The following ATP8A1 variants were observed in gnomAD, a reference collection of about 807,000 sequenced individuals.
ATP8A1 encodes phospholipid-transporting ATPase IA.
In ATP8A1, 90 loss-of-function variants were observed where a neutral mutation model predicts 177.7. That is an observed-to-expected ratio of 0.51 (90% confidence interval 0.43 to 0.60). The LOEUF is 0.60. Among genes scored for constraint, ATP8A1 ranks in the 20% least tolerant of loss-of-function variants. ATP8A1 has a pLI of 0.00. For missense variants in ATP8A1, 1,072 were observed against 1,392.8 expected (o/e 0.77, Z 3.67); for synonymous variants, 493 against 485.9 (o/e 1.01, Z -0.19).
At chr4:42,488,378 CT>C (rs1722407438) in intron 24 of ATP8A1, among the ~76,000 whole-genome samples, 1 of 151,678 alleles carries the variant, frequency 6.6e-6, no homozygotes. Context: ...GGTAGCCTGT[CT>C]TTTTCTATGC....
Position 42,574,603 on chromosome 4 carries a change from A to C in ATP8A1, c.1295+16T>G. The C allele has an allele frequency of 6.3e-7, 1 of 1,594,388 alleles. No homozygotes were observed. Among genetic ancestry groups the C allele is most frequent in the East Asian group, 2.2e-5 (1 of 44,642 alleles). On this transcript the variant is annotated intron_variant, in intron 14 of 36. Transcript: ENST00000381668. The stretch of plus-strand genomic sequence containing the variant: ...TAAGCATGTATTTCATATCCTAATT[A>C]AAGGAAAAAACTCACCCATAAGCAA...
intron 33 of ATP8A1, among the ~76,000 whole-genome samples, chr4:42,440,077 G>T (rs1359252868): frequency 1.3e-5 from 2 of 152,164 alleles, no homozygotes; most frequent in Admixed American, 6.5e-5. Flanking sequence ...TGATGTTCAT[G>T]GCAAACACAA....
chr4:42,528,220 A>G (rs191484061), intron 20 of ATP8A1, among the ~76,000 whole-genome samples: 56 of 152,292 alleles, frequency 3.7e-4, no homozygotes, highest in African/African-American at 1.2e-3. Flanking sequence ...ATACTTAGCA[A>G]CTGGCAGGAT....
chr4:42,463,292 TG>T (rs1560352095), intron 27 of ATP8A1, among the ~76,000 whole-genome samples: 1 of 152,188 alleles, frequency 6.6e-6, no homozygotes. Flanking sequence ...AATTGAATCA[TG>T]GGGGCAAGTC....
In ATP8A1 at chr4:42,578,300, A is replaced by C; in HGVS notation, c.1088T>G (p.Leu363Ter). Residue 363 changes from leucine to a stop codon, truncating the protein, a stop_gained, in exon 12 of 37, where the codon TTA (leucine) becomes TGA (stop). Transcript: ENST00000381668. LOFTEE classifies it high-confidence loss of function. ...TGCCTGGGTAAATTTCACAACTTCT[A>C]ATGTAACCAATAAGCTGATAGGAAT... is the stretch of plus-strand genomic sequence containing the variant. The part of the protein sequence containing the change: ...NLIPISLLVT[L>*]EVVKFTQAYF... 6.2e-7 allele frequency: 1 copy of C among 1,611,238 alleles called. No individual in the cohort carries two copies. Among genetic ancestry groups the C allele is most frequent in the Non-Finnish European group, 8.5e-7 (1 of 1,178,482 alleles).
chr4:42,487,098 G>C (rs1015960986), intron 24 of ATP8A1, among the ~76,000 whole-genome samples: 1 of 152,164 alleles, frequency 6.6e-6, no homozygotes, highest in African/African-American at 2.4e-5. Flanking sequence ...TTTATGAACT[G>C]GCTTTTGTAA....
In ATP8A1 at chr4:42,635,693, T is replaced by C. The variant is rs1366057969; in HGVS notation, c.50-8584A>G. ...ATATATATGCACACATATGTATTTG[T>C]ATATATTGTTTTGATACAGAAGCTT... On this transcript the variant is annotated intron_variant, in intron 1 of 36. Transcript: ENST00000381668. Among the ~76,000 whole-genome samples the C allele has an allele frequency of 2.0e-5, 3 of 149,720 alleles. No individual in the cohort carries two copies. In the Admixed American group the frequency reaches 2.0e-4, roughly 10 times the overall value.
chr4:42,521,314 G>A (rs1257676349), intron 22 of ATP8A1, among the ~76,000 whole-genome samples: 1 of 152,086 alleles, frequency 6.6e-6, no homozygotes, highest in Non-Finnish European at 1.5e-5. Flanking sequence ...TAGAAGCTGT[G>A]TACTCTCAGC....
intron 15 of ATP8A1, among the ~76,000 whole-genome samples, chr4:42,568,814 G>A (rs1203210888): frequency 6.6e-6 from 1 of 152,116 alleles, no homozygotes; most frequent in Non-Finnish European, 1.5e-5. Flanking sequence ...GCGGCAGAAG[G>A]TGGCAGTACT....
chr4:42,432,004 G>A (rs1236020506), intron 33 of ATP8A1, among the ~76,000 whole-genome samples: 1 of 152,098 alleles, frequency 6.6e-6, no homozygotes, highest in Non-Finnish European at 1.5e-5. Flanking sequence ...TTGCTATACC[G>A]CAGTGCTTTG....
At chr4:42,418,059 T>A (rs894053480) in intron 35 of ATP8A1, among the ~76,000 whole-genome samples, 1 of 152,300 alleles carries the variant, frequency 6.6e-6, no homozygotes, top group Admixed American at 6.5e-5. Context: ...GAAATAAAAT[T>A]TCCTTTCTAC....
intron 5 of ATP8A1, 55 bp from the exon 6 acceptor site, chr4:42,600,573 T>C (rs1349199610): frequency 1.3e-5 from 20 of 1,512,840 alleles, no homozygotes; most frequent in Non-Finnish European, 1.6e-5. Flanking sequence ...GAAAAGGCCA[T>C]TTCTGATGAA....
chr4:42,572,223 A>G (rs1202841529), intron 14 of ATP8A1, among the ~76,000 whole-genome samples: 1 of 152,216 alleles, frequency 6.6e-6, no homozygotes, highest in African/African-American at 2.4e-5. Context: ...GTGCTCATAC[A>G]TAATAGTTCC....
At chr4:42,594,814 G>T (rs1161782345) in intron 6 of ATP8A1, among the ~76,000 whole-genome samples, 1 of 152,084 alleles carries the variant, frequency 6.6e-6, no homozygotes, top group East Asian at 1.9e-4. Flanking sequence ...TTGAGATTCT[G>T]AGATTTTTGC....
At chr4:42,555,417 A>T (rs2153213133) in intron 16 of ATP8A1, among the ~76,000 whole-genome samples, 1 of 152,194 alleles carries the variant, frequency 6.6e-6, no homozygotes, top group Admixed American at 6.5e-5. Flanking sequence ...AAAATGAAAC[A>T]ATTTGAAAAG....
At chr4:42,616,218 A>G in intron 4 of ATP8A1, 140 bp from the exon 5 acceptor site, 2 of 696,956 alleles carry the variant, frequency 2.9e-6, no homozygotes, top group Non-Finnish European at 4.7e-6. Context: ...GTTAAAGTAT[A>G]CATTGATGGA....
chr4:42,549,437 TA>T (rs1361338462), intron 18 of ATP8A1, among the ~76,000 whole-genome samples: 3 of 66,088 alleles, frequency 4.5e-5, no homozygotes, highest in Non-Finnish European at 7.0e-5. Context: ...ATATAGATAA[TA>T]GGGGGGAAAA....
intron 29 of ATP8A1, among the ~76,000 whole-genome samples, chr4:42,452,961 T>C (rs1465207458): frequency 1.3e-5 from 2 of 152,178 alleles, no homozygotes; most frequent in Non-Finnish European, 2.9e-5. Flanking sequence ...TTTTGTTAGT[T>C]CTCCCAGCCA....
intron 5 of ATP8A1, among the ~76,000 whole-genome samples, chr4:42,602,141 A>G (rs569857625): frequency 6.6e-6 from 1 of 152,338 alleles, no homozygotes; most frequent in East Asian, 1.9e-4. Context: ...AGCTAGAGAG[A>G]GCTCAAATAA....
Sources: allele counts gnomAD v4.1 joint callset (sites outside exome capture counted in the v4.1 genomes callset), GRCh38; gene constraint gnomAD v4.1.1; transcripts MANE v1.5; gene names NCBI Gene and HGNC (gene_info 2026-07-23, HGNC 2026-07-21).